FMNL2: variants seen among roughly 807,000 people sequenced by gnomAD.
FMNL2 encodes formin-like protein 2.
A neutral mutation model predicts 130.2 loss-of-function variants in FMNL2; 51 were observed. The observed-to-expected ratio is 0.39, with a 90% CI of 0.31 to 0.49. The LOEUF (loss-of-function observed/expected upper bound fraction) is 0.49, where lower values mean the gene tolerates loss of function less well. Ranked by LOEUF, FMNL2 falls within the 20% of genes least tolerant of loss-of-function variation. The pLI is 0.85. For synonymous variants in FMNL2, 465 were observed against 467.1 expected, an observed-to-expected ratio of 1.00 and a Z score of 0.06; for missense variants, 977 against 1,316.2, an observed-to-expected ratio of 0.74 and a Z score of 3.99.
chr2:152,396,481 A>G (rs1468783685), intron 1 of FMNL2, among the ~76,000 whole-genome samples: 2 of 152,174 alleles, frequency 1.3e-5, no homozygotes, highest in Admixed American at 1.3e-4. Flanking sequence ...TTAACCCTCT[A>G]TAGCTCTGGT....
At chr2:152,408,835 G>A (rs1686137600) in intron 1 of FMNL2, among the ~76,000 whole-genome samples, 1 of 152,110 alleles carries the variant, frequency 6.6e-6, no homozygotes, top group Non-Finnish European at 1.5e-5. Context: ...TATGGGTACT[G>A]GAATTATGGT....
Position 152,338,021 on chromosome 2 carries a change from GT to G in FMNL2, c.117+2315del, listed in dbSNP as rs111784279. On this transcript the variant is annotated intron_variant, in intron 1 of 25. Transcript: ENST00000288670. ...GTGCGCAGTGTTGGTGATTTCTCTTGTTTTTTTTTTTTTTCTGGAGTTGTGT... is the reference window on the plus strand; with the variant it reads ...GTGCGCAGTGTTGGTGATTTCTCTTGTTTTTTTTTTTTTCTGGAGTTGTGT... 5.7e-3 allele frequency among the ~76,000 whole-genome samples: 801 copies of G among 139,682 alleles called. 3 individuals carry two copies. The highest frequency in any genetic ancestry group is 0.018 in the African/African-American group (701 of 38,088). 91.6% of individuals were successfully genotyped at this position (139,682 alleles called of 152,430 possible).
chr2:152,459,527 A>G (rs1689127960), intron 1 of FMNL2, among the ~76,000 whole-genome samples: 1 of 152,220 alleles, frequency 6.6e-6, no homozygotes, highest in Non-Finnish European at 1.5e-5. Flanking sequence ...ATTAAGCAAA[A>G]TGTTTTTTGT....
At chr2:152,523,080 A>C (rs1693183836) in intron 2 of FMNL2, among the ~76,000 whole-genome samples, 1 of 152,224 alleles carries the variant, frequency 6.6e-6, no homozygotes, top group Admixed American at 6.5e-5. Context: ...ATTTTACTTA[A>C]GCATATAGCA....
At chr2:152,589,642 T>A (rs2105765412) in intron 9 of FMNL2, among the ~76,000 whole-genome samples, 1 of 152,274 alleles carries the variant, frequency 6.6e-6, no homozygotes, top group African/African-American at 2.4e-5. Flanking sequence ...AGCACTCTGC[T>A]GTGAGCTGAT....
intron 1 of FMNL2, among the ~76,000 whole-genome samples, chr2:152,480,290 C>A (rs1293515949): frequency 2.0e-5 from 3 of 152,234 alleles, no homozygotes; most frequent in African/African-American, 7.2e-5. Flanking sequence ...TCTGAATTAG[C>A]AGAACCAGAA....
chr2:152,574,830 G>A (rs1265891065), intron 6 of FMNL2, among the ~76,000 whole-genome samples: 4 of 152,188 alleles, frequency 2.6e-5, no homozygotes, highest in African/African-American at 9.6e-5. Flanking sequence ...AACTTCAGAT[G>A]TAGATTAAGA....
intron 1 of FMNL2, among the ~76,000 whole-genome samples, chr2:152,465,235 G>C (rs1188275827): frequency 6.6e-6 from 1 of 152,254 alleles, no homozygotes; most frequent in Admixed American, 6.5e-5. Flanking sequence ...AGAACACCCT[G>C]TGCGAAGGCA....
At chr2:152,443,535 G>A (rs931383535) in intron 1 of FMNL2, among the ~76,000 whole-genome samples, 1 of 152,032 alleles carries the variant, frequency 6.6e-6, no homozygotes, top group African/African-American at 2.4e-5. Flanking sequence ...CCAAGAGGAA[G>A]ATGTGTTTAG....
At chr2:152,546,143 A>G (rs1694618502) in intron 3 of FMNL2, among the ~76,000 whole-genome samples, 1 of 152,144 alleles carries the variant, frequency 6.6e-6, no homozygotes, top group African/African-American at 2.4e-5. Context: ...TACGTAAGGG[A>G]TGACCTTGCC....
chr2:152,619,493 C>G lies in FMNL2; in HGVS notation c.1628-16C>G. ...CCGTATTTTCAAAGTCCATCTGTTT[C>G]TTTTTTCTTTGCTAGTGCAAAATGG... On this transcript the variant is annotated splice_polypyrimidine_tract_variant and intron_variant, in intron 14 of 25. Coordinates refer to ENST00000288670, the MANE Select transcript of FMNL2 (RefSeq NM_052905.4). 6.5e-7 allele frequency: 1 copy of G among 1,549,818 alleles called. No homozygotes were observed. The highest frequency in any genetic ancestry group is 8.7e-7 in the Non-Finnish European group (1 of 1,146,874).
At chr2:152,440,378 A>G (rs1375177174) in intron 1 of FMNL2, among the ~76,000 whole-genome samples, 1 of 152,212 alleles carries the variant, frequency 6.6e-6, no homozygotes, top group Non-Finnish European at 1.5e-5. Context: ...GCTTGCAAAA[A>G]ACCAAAATCT....
chr2:152,348,491 T>C (rs1560285637), intron 1 of FMNL2, among the ~76,000 whole-genome samples: 1 of 152,186 alleles, frequency 6.6e-6, no homozygotes, highest in Non-Finnish European at 1.5e-5. Context: ...TGGATACCTA[T>C]TTAACTGACC....
chr2:152,439,277 TA>T (rs1687936009), intron 1 of FMNL2, among the ~76,000 whole-genome samples: 2 of 152,286 alleles, frequency 1.3e-5, no homozygotes, highest in South Asian at 2.1e-4. Flanking sequence ...TGCATGTCTT[TA>T]AAAAACTGCT....
chr2:152,517,481 G>T (rs1014908372), intron 1 of FMNL2, among the ~76,000 whole-genome samples: 1 of 152,102 alleles, frequency 6.6e-6, no homozygotes, highest in Admixed American at 6.6e-5. Context: ...GATTGTTAGG[G>T]TACAGTGTAC....
At chr2:152,611,967 C>T (rs1425887658) in intron 11 of FMNL2, among the ~76,000 whole-genome samples, 4 of 152,086 alleles carry the variant, frequency 2.6e-5, no homozygotes, top group Non-Finnish European at 5.9e-5. Flanking sequence ...GGGACCCCAT[C>T]TGGGCAGAGA....
intron 9 of FMNL2, among the ~76,000 whole-genome samples, chr2:152,602,137 A>C (rs1186278965): frequency 6.6e-6 from 1 of 152,118 alleles, no homozygotes; most frequent in Non-Finnish European, 1.5e-5. Flanking sequence ...CTTTACCCCC[A>C]TCAGTCTTAG....
chr2:152,608,022 A>C (rs940157330), intron 10 of FMNL2, among the ~76,000 whole-genome samples: 2 of 152,206 alleles, frequency 1.3e-5, no homozygotes, highest in Admixed American at 6.5e-5. Context: ...GGGTAAGAAC[A>C]TCAAAGTGAG....
intron 1 of FMNL2, among the ~76,000 whole-genome samples, chr2:152,443,463 AGAG>A (rs1220724433): frequency 6.6e-6 from 1 of 152,184 alleles, no homozygotes; most frequent in Non-Finnish European, 1.5e-5. Flanking sequence ...AGCTAGAGGA[AGAG>A]GAGAAGGAAT....
Sources: allele counts gnomAD v4.1 joint callset (sites outside exome capture counted in the v4.1 genomes callset), GRCh38; gene constraint gnomAD v4.1.1; transcripts MANE v1.5; gene names NCBI Gene and HGNC (gene_info 2026-07-23, HGNC 2026-07-21).